WDSUB1: variants seen among roughly 807,000 people sequenced by gnomAD.
WDSUB1 encodes the protein WD repeat, SAM and U-box domain-containing protein 1.
In WDSUB1, 49 loss-of-function variants were observed where a neutral mutation model predicts 53.9. The observed-to-expected ratio is 0.91, with a 90% confidence interval of 0.72 to 1.15. The LOEUF (loss-of-function observed/expected upper bound fraction) is 1.15, where lower values mean the gene tolerates loss of function less well. Among genes scored for constraint, WDSUB1 ranks in the 50% most tolerant of loss-of-function variants. The pLI is 0.00. For missense variants in WDSUB1, 514 were observed against 562.0 expected (o/e 0.91, Z 0.86); for synonymous variants, 194 against 200.6 (o/e 0.97, Z 0.28).
rs1284555602 is a variant in WDSUB1, at chr2:159,261,975, AC to A, written c.771-2133del. On this transcript the variant is annotated intron_variant, in intron 5 of 10. Transcript: ENST00000359774. ...GGGTGAACTGGCTTTTGGTTAATTG[AC>A]CTAGAGCCCAGTTCTGCTTAAGCCT... is the stretch of plus-strand genomic sequence containing the variant. Among the ~76,000 whole-genome samples the A allele has an allele frequency of 1.3e-4, 18 of 134,302 alleles. No individual in the cohort carries two copies. In the Admixed American group the frequency reaches 1.4e-3, roughly 10 times the overall value. 88.1% of individuals were successfully genotyped at this position (134,302 alleles called of 152,430 possible).
intron 5 of WDSUB1, among the ~76,000 whole-genome samples, chr2:159,267,102 C>A (rs1288921612): frequency 6.6e-6 from 1 of 151,980 alleles, no homozygotes; most frequent in Non-Finnish European, 1.5e-5. Context: ...TCTCTACAAT[C>A]TGTTTTTCTG....
At chr2:159,247,412 C>G (rs2060823864) in intron 10 of WDSUB1, among the ~76,000 whole-genome samples, 1 of 152,128 alleles carries the variant, frequency 6.6e-6, no homozygotes, top group Non-Finnish European at 1.5e-5. Context: ...CATTGCCTCC[C>G]TAGCCAAGTA....
intron 9 of WDSUB1, among the ~76,000 whole-genome samples, chr2:159,252,489 G>A (rs1405018130): frequency 5.3e-5 from 8 of 152,214 alleles, no homozygotes; most frequent in Non-Finnish European, 1.2e-4. Context: ...TGAGACCCCA[G>A]CATGTCCAAC....
At chr2:159,254,705 G>A (rs551149330) in intron 9 of WDSUB1, among the ~76,000 whole-genome samples, 5 of 152,222 alleles carry the variant, frequency 3.3e-5, no homozygotes, top group South Asian at 4.1e-4. Context: ...TACTTGATAA[G>A]GTACCCTTAA....
intron 10 of WDSUB1, among the ~76,000 whole-genome samples, chr2:159,238,066 C>CAA (rs1181141326): frequency 3.3e-5 from 5 of 152,180 alleles, no homozygotes; most frequent in Non-Finnish European, 7.3e-5. Flanking sequence ...GGATTTTTGC[C>CAA]AGTCTCTAGG....
At chr2:159,253,546 G>A (rs895822229) in intron 9 of WDSUB1, among the ~76,000 whole-genome samples, 6 of 148,754 alleles carry the variant, frequency 4.0e-5, no homozygotes, top group East Asian at 1.9e-4. Context: ...ATAGATATAC[G>A]ACTTTGGTCT....
chr2:159,248,960 C>T (rs952602275), intron 9 of WDSUB1, among the ~76,000 whole-genome samples: 6 of 152,102 alleles, frequency 3.9e-5, no homozygotes, highest in East Asian at 1.9e-4. Flanking sequence ...ACTGTTTTAC[C>T]GCATGAACTA....
intron 4 of WDSUB1, among the ~76,000 whole-genome samples, chr2:159,274,241 C>T (rs558543845): frequency 6.6e-6 from 1 of 152,252 alleles, no homozygotes; most frequent in South Asian, 2.1e-4. Flanking sequence ...CAGTGGCCCA[C>T]GCCTGTAATC....
At chr2:159,268,564 T>C (rs1306052932) in intron 5 of WDSUB1, among the ~76,000 whole-genome samples, 1 of 152,164 alleles carries the variant, frequency 6.6e-6, no homozygotes, top group East Asian at 1.9e-4. Flanking sequence ...ACATTCTAAA[T>C]GGAGGTTAGG....
chr2:159,257,243 C>T (rs770742382), intron 8 of WDSUB1, among the ~76,000 whole-genome samples: 60 of 152,148 alleles, frequency 3.9e-4, no homozygotes, highest in Non-Finnish European at 6.9e-4. Flanking sequence ...CTCACGCAAT[C>T]CATCCACCTC....
At chr2:159,284,179 A>G (rs916285762) in intron 1 of WDSUB1, among the ~76,000 whole-genome samples, 5 of 152,206 alleles carry the variant, frequency 3.3e-5, no homozygotes, top group Admixed American at 6.5e-5. Context: ...AAAAAAATCT[A>G]TAAGACTATA....
intron 5 of WDSUB1, among the ~76,000 whole-genome samples, chr2:159,263,362 A>C (rs2061265966): frequency 6.6e-6 from 1 of 152,230 alleles, no homozygotes. Flanking sequence ...AAGATAGAGC[A>C]AAAACAAAAG....
chr2:159,286,153 C>T (rs2061791813), intron 1 of WDSUB1, among the ~76,000 whole-genome samples: 1 of 152,156 alleles, frequency 6.6e-6, no homozygotes, highest in African/African-American at 2.4e-5. Context: ...TTCCCGGGCA[C>T]ACCAGGTCAG....
At chr2:159,283,119 T>A (rs1211572765) in intron 1 of WDSUB1, 26 bp from the exon 2 acceptor site, 1 of 1,544,414 alleles carries the variant, frequency 6.5e-7, no homozygotes, top group East Asian at 2.3e-5. Context: ...AGATAAAGAT[T>A]ATTTATTCTA....
chr2:159,244,628 AAAATATG>A (rs2060745061), intron 10 of WDSUB1, among the ~76,000 whole-genome samples: 8 of 152,140 alleles, frequency 5.3e-5, no homozygotes, highest in African/African-American at 1.9e-4. Context: ...TACAGTTATA[AAAATATG>A]AGCTACTGGC....
rs1226389417 is a variant in WDSUB1, at chr2:159,248,246, TTTAA to T, written c.1273+122_1273+125del. ...ACAATATTCATTTGTTCACCCAAGG[TTTAA>T]TTAGTTTAAGAAAAAACTACTTAAA... On this transcript the variant is annotated intron_variant, in intron 10 of 10. Transcript: ENST00000359774. 1.2e-5 allele frequency: 13 copies of T among 1,086,224 alleles called. No homozygotes were observed. The East Asian group carries it at 2.1e-4, about 17-fold the overall frequency. 67.3% of individuals were successfully genotyped at this position (1,086,224 alleles called of 1,614,324 possible). A position where few individuals can be genotyped will look rare whatever the true frequency, so the allele number is the denominator to read the frequency against.
intron 6 of WDSUB1, among the ~76,000 whole-genome samples, chr2:159,259,166 G>A (rs966298770): frequency 6.6e-6 from 1 of 152,160 alleles, no homozygotes. Context: ...TGGGACTACA[G>A]GGACGCGCCA....
chr2:159,272,014 T>C (rs1420974974), intron 4 of WDSUB1, among the ~76,000 whole-genome samples: 2 of 152,222 alleles, frequency 1.3e-5, no homozygotes, highest in African/African-American at 4.8e-5. Flanking sequence ...GTCAAATTTT[T>C]AAAGAATTGA....
chr2:159,244,036 GA>G (rs567694486), intron 10 of WDSUB1, among the ~76,000 whole-genome samples: 1,558 of 151,996 alleles, frequency 0.01, 35 homozygotes, highest in African/African-American at 0.036. Flanking sequence ...TCTAAAGGAG[GA>G]AAAAAAATAT....
Sources: gnomAD v4.1 joint callset for allele counts (sites outside exome capture counted in the v4.1 genomes callset) on GRCh38, gnomAD v4.1.1 for gene constraint, MANE v1.5 for transcripts, NCBI Gene and HGNC (gene_info 2026-07-23, HGNC 2026-07-21) for gene names.